The following SIPA1L1 variants were observed in gnomAD, a reference collection of about 807,000 sequenced individuals.
The protein encoded by SIPA1L1 is signal induced proliferation associated 1 like 1.
Under a neutral mutation model 162.7 loss-of-function variants are expected in SIPA1L1, and 26 were observed. The ratio of observed to expected loss-of-function variants is 0.16; its 90% CI spans 0.12 to 0.22. The LOEUF is 0.22. SIPA1L1 is among the 10% of genes least tolerant of loss of function. The probability of loss-of-function intolerance (pLI) is 1.00; values close to 1 mark genes in which losing one functional copy is unlikely to be tolerated. For missense variants in SIPA1L1, 1,874 were observed against 2,241.0 expected (o/e 0.84, Z 3.31); for synonymous variants, 829 against 837.4 (o/e 0.99, Z 0.17).
Position 71,593,111 on chromosome 14 carries a change from G to A in SIPA1L1, c.1498+3741G>A, listed in dbSNP as rs143833472. ...GTGATAGCCACATCCTCCTTATGGA[G>A]GCACAGACTAGGCAGTAGGGCTGCA... is the stretch of plus-strand genomic sequence containing the variant. On this transcript the variant is annotated intron_variant, in intron 5 of 23. Transcript: ENST00000381232. 2.5e-3 allele frequency among the ~76,000 whole-genome samples: 386 copies of A among 152,262 alleles called. 1 individual carries two copies. Among genetic ancestry groups the A allele is most frequent in the Non-Finnish European group, 4.6e-3 (310 of 68,020 alleles).
At chr14:71,385,514 T>G (rs964218184) in intron 2 of SIPA1L1, among the ~76,000 whole-genome samples, 10 of 152,314 alleles carry the variant, frequency 6.6e-5, no homozygotes, top group African/African-American at 2.4e-4. Flanking sequence ...AATAGATGTA[T>G]GCTGTGCCTT....
intron 2 of SIPA1L1, among the ~76,000 whole-genome samples, chr14:71,496,398 ATTGT>A (rs902295580): frequency 1.3e-5 from 2 of 151,544 alleles, no homozygotes; most frequent in Admixed American, 1.3e-4. Flanking sequence ...TTTGGATGTT[ATTGT>A]TTGATTTTCA....
At chr14:71,626,976 T>C (rs2040062035) in intron 7 of SIPA1L1, among the ~76,000 whole-genome samples, 1 of 151,976 alleles carries the variant, frequency 6.6e-6, no homozygotes, top group Admixed American at 6.5e-5. Flanking sequence ...AAAAATCTAA[T>C]AATTTTTTTA....
intron 4 of SIPA1L1, among the ~76,000 whole-genome samples, chr14:71,543,110 C>G (rs1321523989): frequency 2.0e-5 from 3 of 152,190 alleles, no homozygotes; most frequent in Non-Finnish European, 4.4e-5. Flanking sequence ...CTCTCCAGCA[C>G]CCACTGCCCC....
intron 7 of SIPA1L1, among the ~76,000 whole-genome samples, chr14:71,628,216 C>T (rs2040226768): frequency 2.6e-5 from 4 of 152,278 alleles, no homozygotes; most frequent in Admixed American, 2.0e-4. Context: ...AATTCAGATA[C>T]TTTTAAATTT....
rs115925390 is a variant in SIPA1L1, at chr14:71,704,540, A to G, written c.3647-682A>G. Among the ~76,000 whole-genome samples the G allele has an allele frequency of 7.5e-3, 1,143 of 152,310 alleles. 14 individuals carry two copies. Among genetic ancestry groups the G allele is most frequent in the African/African-American group, 0.026 (1,072 of 41,568 alleles). Reference sequence around the variant, plus strand: ...CAAGGAGTATTTTGCCCTGTCCTCTACATGTTAGGAAGGGTGTTTCAGAGG... The same window carrying G: ...CAAGGAGTATTTTGCCCTGTCCTCTGCATGTTAGGAAGGGTGTTTCAGAGG... On this transcript the variant is annotated intron_variant, in intron 15 of 23. Transcript: ENST00000381232.
chr14:71,504,522 C>A (rs561052372), intron 2 of SIPA1L1, among the ~76,000 whole-genome samples: 38 of 151,990 alleles, frequency 2.5e-4, no homozygotes, highest in Non-Finnish European at 4.7e-4. Flanking sequence ...CCAAAAGATA[C>A]CATATTTTTA....
intron 2 of SIPA1L1, among the ~76,000 whole-genome samples, chr14:71,403,414 A>T (rs1218221448): frequency 2.0e-5 from 3 of 152,096 alleles, no homozygotes; most frequent in African/African-American, 7.2e-5. Context: ...CCTGGCTAAG[A>T]TGTTGAAACC....
intron 2 of SIPA1L1, among the ~76,000 whole-genome samples, chr14:71,396,715 G>C (rs1311957456): frequency 6.6e-6 from 1 of 151,802 alleles, no homozygotes; most frequent in Non-Finnish European, 1.5e-5. Context: ...ATGTTGTTTT[G>C]AGTAGCATTG....
chr14:71,402,529 A>G (rs1394794205), intron 2 of SIPA1L1, among the ~76,000 whole-genome samples: 1 of 151,976 alleles, frequency 6.6e-6, no homozygotes, highest in South Asian at 2.1e-4. Context: ...TTGTATTTTT[A>G]GTAGAGATAG....
chr14:71,624,466 G>A (rs1000294436), intron 7 of SIPA1L1, among the ~76,000 whole-genome samples: 6 of 152,030 alleles, frequency 3.9e-5, no homozygotes, highest in Admixed American at 1.3e-4. Context: ...TTTAAACTAC[G>A]TTAAATTCTT....
At chr14:71,581,771 A>G (rs1282025826) in intron 4 of SIPA1L1, among the ~76,000 whole-genome samples, 1 of 152,142 alleles carries the variant, frequency 6.6e-6, no homozygotes, top group African/African-American at 2.4e-5. Context: ...CCAATAAGTT[A>G]GTGAGCTTTT....
intron 17 of SIPA1L1, among the ~76,000 whole-genome samples, chr14:71,710,086 C>T (rs913152525): frequency 3.3e-5 from 5 of 152,154 alleles, no homozygotes; most frequent in African/African-American, 9.7e-5. Context: ...GCATCGTTTG[C>T]GATGCCAAGC....
chr14:71,619,870 T>A (rs1044151526), intron 6 of SIPA1L1, among the ~76,000 whole-genome samples: 8 of 152,200 alleles, frequency 5.3e-5, no homozygotes, highest in African/African-American at 1.9e-4. Flanking sequence ...GACTTAAATA[T>A]CTAATGTGTT....
At chr14:71,548,064 A>G (rs1780587909) in intron 4 of SIPA1L1, among the ~76,000 whole-genome samples, 1 of 152,234 alleles carries the variant, frequency 6.6e-6, no homozygotes, top group Admixed American at 6.5e-5. Context: ...TTATTTTTAG[A>G]TAATTAAATT....
intron 13 of SIPA1L1, among the ~76,000 whole-genome samples, chr14:71,688,993 A>G (rs1596996734): frequency 6.6e-6 from 1 of 152,206 alleles, no homozygotes; most frequent in Non-Finnish European, 1.5e-5. Context: ...TTAAGTAACC[A>G]TGGATGGATC....
chr14:71,502,354 T>A (rs1361626263), intron 2 of SIPA1L1, among the ~76,000 whole-genome samples: 1 of 150,544 alleles, frequency 6.6e-6, no homozygotes, highest in African/African-American at 2.4e-5. Context: ...TTCTCATGCC[T>A]CAGCCTCCCG....
chr14:71,473,737 G>T (rs1257336640), intron 2 of SIPA1L1, among the ~76,000 whole-genome samples: 1 of 152,146 alleles, frequency 6.6e-6, no homozygotes. Flanking sequence ...GAAGGATTTG[G>T]GTGATGTGGT....
chr14:71,529,412 A>G, intron 4 of SIPA1L1, 42 bp downstream of exon 4: 2 of 593,448 alleles, frequency 3.4e-6, no homozygotes, highest in Non-Finnish European at 3.1e-6. Context: ...CCTGCTTTAC[A>G]AAGTGTTGAT....
Sources: gnomAD v4.1 joint callset for allele counts (sites outside exome capture counted in the v4.1 genomes callset) on GRCh38, gnomAD v4.1.1 for gene constraint, MANE v1.5 for transcripts, NCBI Gene and HGNC (gene_info 2026-07-23, HGNC 2026-07-21) for gene names.